The following KMT2C variants were observed in gnomAD, a reference collection of about 807,000 sequenced individuals.
The protein encoded by KMT2C is lysine methyltransferase 2C.
A neutral mutation model predicts 507.9 loss-of-function variants in KMT2C; 88 were observed. The ratio of observed to expected loss-of-function variants is 0.17; its 90% CI spans 0.15 to 0.21. KMT2C has a LOEUF of 0.21. KMT2C is among the 10% of genes least tolerant of loss of function. The pLI is 1.00. For synonymous variants in KMT2C, 2,049 were observed against 2,080.8 expected (o/e 0.98, Z 0.42); for missense variants, 4,954 against 5,957.8 (o/e 0.83, Z 5.55).
Position 152,187,531 on chromosome 7 carries a change from T to A in KMT2C, c.4794-55A>T, listed in dbSNP as rs1189908930. ...GAACATAAAATAACTTCTTAATATA[T>A]GTTCAAGTATAGCTTTCATTAAAAC... On this transcript the variant is annotated intron_variant, in intron 32 of 58. Transcript: ENST00000262189. 1.6e-5 allele frequency: 24 copies of A among 1,498,886 alleles called. No homozygotes were observed. The Admixed American group carries it at 3.5e-4, about 22-fold the overall frequency. 92.8% of individuals were successfully genotyped at this position (1,498,886 alleles called of 1,614,324 possible).
At chr7:152,375,528 G>A (rs958956747) in intron 1 of KMT2C, among the ~76,000 whole-genome samples, 9 of 150,098 alleles carry the variant, frequency 6.0e-5, no homozygotes, top group Admixed American at 2.7e-4. Flanking sequence ...TGGGATTACA[G>A]GCGCCCACAA....
chr7:152,290,258 G>GTATGTATA (rs2096393074), intron 6 of KMT2C, among the ~76,000 whole-genome samples: 1 of 26,242 alleles, frequency 3.8e-5, no homozygotes, highest in Non-Finnish European at 6.7e-5. Flanking sequence ...GTGTGTATGT[G>GTATGTATA]TATATATATA....
rs1308523366 is a variant in KMT2C at position 152,171,314 on chromosome 7, C to A, written c.9403G>T (p.Gly3135Ter). ...TTCTGTCCTTCACTGTTCTGTGTTC[C>A]AGTTACCACCTGGCCCATAAAAGGG... ...RFPFMGQVVT[G>*]TQNSEGQNLG... The change falls in exon 40 of 59, where the codon GGA (glycine) becomes TGA (stop). Residue 3135 changes from glycine to a stop codon, truncating the protein, a stop_gained. Coordinates refer to ENST00000262189, the MANE Select transcript of KMT2C (RefSeq NM_170606.3). LOFTEE classifies it high-confidence loss of function. 1 of 1,607,862 alleles carries A rather than the reference C, an allele frequency of 6.2e-7. No homozygotes were observed. Among genetic ancestry groups the A allele is most frequent in the South Asian group, 1.1e-5 (1 of 89,654 alleles).
At chr7:152,272,924 A>C (rs1217943319) in intron 7 of KMT2C, among the ~76,000 whole-genome samples, 1 of 152,142 alleles carries the variant, frequency 6.6e-6, no homozygotes, top group Non-Finnish European at 1.5e-5. Flanking sequence ...TAGGTAACTA[A>C]GAGGTGACAT....
At position 152,183,132 on chromosome 7, in the gene KMT2C, C is replaced by A. The variant is rs762371215; in HGVS notation, c.5107G>T (p.Ala1703Ser). ...ATCTGTACTTTATTAATGCGTAAAG[C>A]AGCTCTGTTATCTCTGGCTTTTTGC... ...YVQKARDNRA[A>S]LRINKVQMSN... Residue 1703 changes from alanine to serine, a missense_variant, in exon 35 of 59, where the codon GCT (alanine) becomes TCT (serine). Ala to Ser is a moderately conservative substitution (Grantham distance 99). Coordinates refer to ENST00000262189, the MANE Select transcript of KMT2C (RefSeq NM_170606.3). The A allele has an allele frequency of 1.3e-6, 2 of 1,591,624 alleles. No homozygotes were observed. Among genetic ancestry groups the A allele is most frequent in the Admixed American group, 3.7e-5 (2 of 54,752 alleles).
In KMT2C at chr7:152,162,827, C is replaced by T. The variant is rs758583157; in HGVS notation, c.10750G>A (p.Gly3584Arg). The T allele has an allele frequency of 1.2e-6, 2 of 1,614,050 alleles. No individual in the cohort carries two copies. The highest frequency in any genetic ancestry group is 2.2e-5 in the South Asian group (2 of 91,060). The change falls in exon 43 of 59, where the codon GGA (glycine) becomes AGA (arginine). Residue 3584 changes from glycine (G) to arginine (R), a missense_variant. Gly to Arg is a moderately radical substitution (Grantham distance 125). This residue lies in a region of KMT2C where 801 missense variants were observed against 751.2 expected (regional missense o/e 1.07). Transcript: ENST00000262189. Reference sequence around the variant, plus strand: ...AACTGAATGAGCGATTGGGTTGATCCCGGATAACTGTGTCCATGGGTTATA... The same window carrying T: ...AACTGAATGAGCGATTGGGTTGATCTCGGATAACTGTGTCCATGGGTTATA... ...STITHGHSYP[G>R]STQSLIQLYS...
chr7:152,344,758 C>T (rs1036337339), intron 2 of KMT2C, among the ~76,000 whole-genome samples: 2 of 151,978 alleles, frequency 1.3e-5, no homozygotes, highest in African/African-American at 2.4e-5. Flanking sequence ...GAGGCCGAGG[C>T]GGGCAGATCA....
chr7:152,357,095 G>A (rs756699989), intron 2 of KMT2C, among the ~76,000 whole-genome samples: 9 of 151,466 alleles, frequency 5.9e-5, no homozygotes, highest in African/African-American at 1.2e-4. Flanking sequence ...GCATGGTGGC[G>A]CATGTCTATA....
At chr7:152,328,071 C>T (rs750963123) in intron 3 of KMT2C, among the ~76,000 whole-genome samples, 11 of 151,970 alleles carry the variant, frequency 7.2e-5, no homozygotes, top group South Asian at 4.2e-4. Context: ...CAACAAAGTG[C>T]GTGTCTTCAG....
intron 2 of KMT2C, among the ~76,000 whole-genome samples, chr7:152,357,148 GC>G (rs1003635984): frequency 6.6e-6 from 1 of 151,236 alleles, no homozygotes; most frequent in Non-Finnish European, 1.5e-5. Context: ...AACTGCATGA[GC>G]CCGGCGGGTG....
At chr7:152,251,870 A>G in intron 11 of KMT2C, 69 bp downstream of exon 11, 2 of 1,110,668 alleles carry the variant, frequency 1.8e-6, no homozygotes, top group Non-Finnish European at 2.5e-6. Context: ...TTAAAGCAAT[A>G]TATTGGTGAT....
chr7:152,164,575 C>T (rs2092645290), intron 42 of KMT2C, among the ~76,000 whole-genome samples: 1 of 152,132 alleles, frequency 6.6e-6, no homozygotes, highest in Non-Finnish European at 1.5e-5. Context: ...AGGCGTGAGC[C>T]ACTGCGCCCG....
intron 27 of KMT2C, among the ~76,000 whole-genome samples, chr7:152,197,875 T>G (rs1054190137): frequency 6.6e-6 from 1 of 152,096 alleles, no homozygotes; most frequent in African/African-American, 2.4e-5. Flanking sequence ...CCTCCAAGTT[T>G]TGGCCTTATT....
intron 16 of KMT2C, among the ~76,000 whole-genome samples, chr7:152,230,616 T>C (rs1254613518): frequency 6.6e-6 from 1 of 152,198 alleles, no homozygotes; most frequent in East Asian, 1.9e-4. Flanking sequence ...AAACTATAAA[T>C]GATAATATAT....
chr7:152,253,499 A>G (rs2095594877), intron 9 of KMT2C, among the ~76,000 whole-genome samples: 1 of 130,674 alleles, frequency 7.7e-6, no homozygotes, highest in Non-Finnish European at 1.6e-5. Flanking sequence ...AGAAGGCAAA[A>G]CACCTCTTTC....
chr7:152,190,797 T>TC (rs2093768730), intron 31 of KMT2C, among the ~76,000 whole-genome samples: 1 of 152,120 alleles, frequency 6.6e-6, no homozygotes, highest in African/African-American at 2.4e-5. Flanking sequence ...ACACTTTGCC[T>TC]CCCCTTTCTC....
intron 24 of KMT2C, 136 bp from the exon 25 acceptor site, chr7:152,205,361 C>A: frequency 5.1e-6 from 2 of 393,472 alleles, no homozygotes; most frequent in Non-Finnish European, 8.5e-6. Flanking sequence ...AATCAATAAC[C>A]TGATTTTTAG....
At chr7:152,267,242 C>A (rs73481078) in intron 7 of KMT2C, among the ~76,000 whole-genome samples, 1 of 116,630 alleles carries the variant, frequency 8.6e-6, no homozygotes, top group African/African-American at 3.0e-5. Context: ...GTATTATTGG[C>A]CCTAGAATTC....
At chr7:152,151,694 C>A (rs1242675878) in intron 49 of KMT2C, 113 bp from the exon 50 acceptor site, 2 of 720,466 alleles carry the variant, frequency 2.8e-6, no homozygotes, top group East Asian at 3.1e-5. Flanking sequence ...TAACATTATT[C>A]TTTAATTAAT....
Sources: gnomAD v4.1 joint callset for allele counts (sites outside exome capture counted in the v4.1 genomes callset) on GRCh38, gnomAD v4.1.1 for gene constraint, gnomAD v4.1.1 regional missense constraint, MANE v1.5 for transcripts, NCBI Gene and HGNC (gene_info 2026-07-23, HGNC 2026-07-21) for gene names.